The following AKAP7 variants were observed in gnomAD, a reference collection of about 807,000 sequenced individuals.
AKAP7 encodes the protein A kinase (PRKA) anchor protein 7.
AKAP7 carries 39 observed loss-of-function variants against 39.5 expected under a neutral mutation model. The ratio of observed to expected loss-of-function variants is 0.99; its 90% CI spans 0.76 to 1.29. The LOEUF (loss-of-function observed/expected upper bound fraction) is 1.29, where lower values mean the gene tolerates loss of function less well. Among genes scored for constraint, AKAP7 ranks in the 50% most tolerant of loss-of-function variants. The pLI, the probability that AKAP7 is intolerant of heterozygous loss-of-function variation, is 0.00. For synonymous variants in AKAP7, 140 were observed against 139.1 expected, an observed-to-expected ratio of 1.01 and a Z score of -0.05; for missense variants, 414 against 407.7, an observed-to-expected ratio of 1.02 and a Z score of -0.13.
intron 7 of AKAP7, among the ~76,000 whole-genome samples, chr6:131,225,308 G>A (rs1430288825): frequency 6.6e-6 from 1 of 152,040 alleles, no homozygotes; most frequent in African/African-American, 2.4e-5. Flanking sequence ...GCCCATGTGG[G>A]TTTTGTGGTT....
chr6:131,145,881 C>G (rs1584941195), intron 2 of AKAP7, among the ~76,000 whole-genome samples: 1 of 151,896 alleles, frequency 6.6e-6, no homozygotes. Context: ...TAATAGTTGT[C>G]TATATCTATT....
intron 7 of AKAP7, among the ~76,000 whole-genome samples, chr6:131,232,151 A>G (rs2128306407): frequency 6.6e-6 from 1 of 152,294 alleles, no homozygotes; most frequent in South Asian, 2.1e-4. Context: ...GATTTATATT[A>G]GACATCTTAG....
At chr6:131,241,420 G>A (rs1336656626) in intron 7 of AKAP7, among the ~76,000 whole-genome samples, 1 of 152,068 alleles carries the variant, frequency 6.6e-6, no homozygotes, top group Non-Finnish European at 1.5e-5. Context: ...CAACTAGGTA[G>A]ACAGTGGTGC....
At chr6:131,224,812 G>T (rs1810024561) in intron 7 of AKAP7, among the ~76,000 whole-genome samples, 1 of 128,798 alleles carries the variant, frequency 7.8e-6, no homozygotes, top group Non-Finnish European at 1.6e-5. Flanking sequence ...CTTAATTTTG[G>T]CTTACCACAA....
At chr6:131,196,297 ACT>A (rs1240104047) in intron 5 of AKAP7, among the ~76,000 whole-genome samples, 1 of 133,890 alleles carries the variant, frequency 7.5e-6, no homozygotes, top group Non-Finnish European at 1.5e-5. Flanking sequence ...ACGGAGTCTC[ACT>A]CTGTCACTCA....
At chr6:131,150,053 C>T (rs72989900) in intron 2 of AKAP7, among the ~76,000 whole-genome samples, 31,158 of 152,014 alleles carry the variant, frequency 0.2, 3,838 homozygotes, top group Non-Finnish European at 0.27. Context: ...TCCTGGGCTC[C>T]AGTGATCCGC....
At chr6:131,257,077 G>C (rs1213756149) in intron 7 of AKAP7, among the ~76,000 whole-genome samples, 1 of 151,848 alleles carries the variant, frequency 6.6e-6, no homozygotes, top group Non-Finnish European at 1.5e-5. Context: ...TTTTTTCTGT[G>C]CATTTGTCTT....
At chr6:131,248,019 A>T (rs2128317561) in intron 7 of AKAP7, among the ~76,000 whole-genome samples, 1 of 152,274 alleles carries the variant, frequency 6.6e-6, no homozygotes, top group South Asian at 2.1e-4. Flanking sequence ...CACGAACATT[A>T]TCCTCCTGGG....
At chr6:131,233,935 T>C (rs1021423706) in intron 7 of AKAP7, among the ~76,000 whole-genome samples, 6 of 152,188 alleles carry the variant, frequency 3.9e-5, no homozygotes, top group African/African-American at 1.4e-4. Context: ...AGAGAGGTTT[T>C]TAAAATCCAA....
Position 131,282,657 on chromosome 6 carries a change from A to C in AKAP7, c.*931A>C, listed in dbSNP as rs1411473274. ...GCTTATGAAATCTTTTCAGCTTATT[A>C]AGTAGCTCTTTGGTAAACACCAAAG... On this transcript the variant is annotated 3_prime_UTR_variant, in exon 8 of 8. Coordinates refer to ENST00000431975, the MANE Select transcript of AKAP7 (RefSeq NM_016377.4). The C allele has an allele frequency of 7.0e-7, 1 of 1,435,220 alleles. No individual in the cohort carries two copies. Among genetic ancestry groups the C allele is most frequent in the Non-Finnish European group, 9.4e-7 (1 of 1,064,798 alleles). 88.9% of individuals were successfully genotyped at this position (1,435,220 alleles called of 1,614,324 possible). A position where few individuals can be genotyped will look rare whatever the true frequency, so the allele number is the denominator to read the frequency against.
At chr6:131,179,523 G>A (rs1247302586) in intron 5 of AKAP7, among the ~76,000 whole-genome samples, 1 of 152,146 alleles carries the variant, frequency 6.6e-6, no homozygotes, top group African/African-American at 2.4e-5. Context: ...TAGGCTCCAC[G>A]AGGGCCAGGA....
chr6:131,146,844 G>A (rs781463240), intron 2 of AKAP7, among the ~76,000 whole-genome samples: 6 of 152,202 alleles, frequency 3.9e-5, no homozygotes, highest in Non-Finnish European at 8.8e-5. Context: ...TCATTTCTTT[G>A]ATGAACATTT....
chr6:131,144,291 G>T (rs923769371), intron 1 of AKAP7, among the ~76,000 whole-genome samples: 7 of 152,032 alleles, frequency 4.6e-5, no homozygotes, highest in Middle Eastern at 3.2e-3. Flanking sequence ...CCTCCCAGAC[G>T]GGGTCGTGGC....
chr6:131,172,304 T>G (rs936675579), intron 5 of AKAP7, among the ~76,000 whole-genome samples: 5 of 152,190 alleles, frequency 3.3e-5, no homozygotes, highest in Middle Eastern at 6.8e-3. Flanking sequence ...ATGGAGGAAA[T>G]ATTTTGGCTA....
At chr6:131,176,624 A>G (rs940849404) in intron 5 of AKAP7, among the ~76,000 whole-genome samples, 3 of 152,190 alleles carry the variant, frequency 2.0e-5, no homozygotes, top group Non-Finnish European at 4.4e-5. Context: ...CTCATACAAG[A>G]AAAAATGAAA....
In AKAP7 at chr6:131,282,185, C is replaced by A; in HGVS notation, c.*459C>A. The A allele has an allele frequency of 7.9e-7, 1 of 1,271,014 alleles. No individual in the cohort carries two copies. The highest frequency in any genetic ancestry group is 2.6e-5 in the South Asian group (1 of 38,296). 78.7% of individuals were successfully genotyped at this position (1,271,014 alleles called of 1,614,324 possible). ...GGAATTGTCATCTGTACAATTAGTC[C>A]ATAATGTTTCATGTTTGTCCTAAGT... On this transcript the variant is annotated 3_prime_UTR_variant, in exon 8 of 8. Coordinates refer to ENST00000431975, the MANE Select transcript of AKAP7 (RefSeq NM_016377.4).
At chr6:131,272,291 A>G (rs767210585) in intron 7 of AKAP7, among the ~76,000 whole-genome samples, 51 of 151,982 alleles carry the variant, frequency 3.4e-4, no homozygotes, top group Non-Finnish European at 5.4e-4. Context: ...AGTTTTATCA[A>G]TTTTATAGAT....
chr6:131,139,712 G>A (rs932498486), intron 1 of AKAP7, among the ~76,000 whole-genome samples: 2 of 152,218 alleles, frequency 1.3e-5, no homozygotes, highest in African/African-American at 4.8e-5. Flanking sequence ...CCTATTGTGA[G>A]CTGAACTCAG....
intron 6 of AKAP7, among the ~76,000 whole-genome samples, chr6:131,207,517 T>TTTA (rs1367120493): frequency 7.1e-6 from 1 of 141,564 alleles, no homozygotes; most frequent in African/African-American, 2.7e-5. Context: ...TTTTTTTTTT[T>TTTA]AGATATGGGG....
Sources: allele counts gnomAD v4.1 joint callset (sites outside exome capture counted in the v4.1 genomes callset), GRCh38; gene constraint gnomAD v4.1.1; transcripts MANE v1.5; gene names NCBI Gene and HGNC (gene_info 2026-07-23, HGNC 2026-07-21).